FADS2: variants seen among roughly 807,000 people sequenced by gnomAD.
The protein encoded by FADS2 is acyl-CoA 6-desaturase.
In FADS2, 18 loss-of-function variants were observed where a neutral mutation model predicts 61.2. The observed-to-expected ratio is 0.29, with a 90% CI of 0.20 to 0.44. The LOEUF (loss-of-function observed/expected upper bound fraction) is 0.44. FADS2 is among the 20% of genes least tolerant of loss of function. The pLI, the probability that FADS2 is intolerant of heterozygous loss-of-function variation, is 1.00. For missense variants in FADS2, 322 were observed against 572.7 expected (o/e 0.56, Z 4.47); for synonymous variants, 203 against 223.9 (o/e 0.91, Z 0.83).
upstream of FADS2, among the ~76,000 whole-genome samples, chr11:61,824,348 C>T (rs1331537313): frequency 2.0e-5 from 3 of 146,596 alleles, no homozygotes; most frequent in Non-Finnish European, 4.5e-5. Flanking sequence ...CACCACTGCA[C>T]TCCAGCCTGG....
chr11:61,838,871 G>A (rs1197084852), intron 2 of FADS2, among the ~76,000 whole-genome samples: 2 of 151,886 alleles, frequency 1.3e-5, no homozygotes, highest in Non-Finnish European at 2.9e-5. Flanking sequence ...AGCTCTGCTC[G>A]TCCTGCCCTG....
At chr11:61,843,287 G>T (rs1229504565) in intron 4 of FADS2, among the ~76,000 whole-genome samples, 1 of 152,286 alleles carries the variant, frequency 6.6e-6, no homozygotes, top group Non-Finnish European at 1.5e-5. Context: ...AGAATTAGCC[G>T]GGGATGGTGG....
chr11:61,824,480 GAGAGAGAGAGAAAGAAAGAAAGGAAAGAA>G (rs1260216639), upstream of FADS2, among the ~76,000 whole-genome samples: 25 of 13,926 alleles, frequency 1.8e-3, 1 homozygote, highest in African/African-American at 3.3e-3. Context: ...GAGAGAGAGA[GAGAGAGAGAGAAAGAAAGAAAGGAAAGAA>G]AGAAAGAAAG....
At position 61,865,961 on chromosome 11, in the gene FADS2, G is replaced by A. The variant is rs1353519486; in HGVS notation, c.*272G>A. 1 of 511,444 alleles carries A rather than the reference G, an allele frequency of 2.0e-6. No homozygotes were observed. Among genetic ancestry groups the A allele is most frequent in the Non-Finnish European group, 3.5e-6 (1 of 286,764 alleles). 31.7% of individuals were successfully genotyped at this position (511,444 alleles called of 1,614,324 possible). On this transcript the variant is annotated 3_prime_UTR_variant, in exon 12 of 12. Coordinates refer to ENST00000278840, the MANE Select transcript of FADS2 (RefSeq NM_004265.4). This position sits in a 1 kb window ranked among gnomAD's most constrained non-coding sequence, Gnocchi z 4.1. ...AGCCCCTTCTTCCAAGGAGCAGAGA[G>A]GTGGCCACCGGGGGTGGCTCTGTCC...
intron 1 of FADS2, among the ~76,000 whole-genome samples, chr11:61,818,702 A>G (rs1290578938): frequency 2.6e-5 from 4 of 152,216 alleles, no homozygotes; most frequent in African/African-American, 7.2e-5. Context: ...GGGTTCGCTG[A>G]TTACAACTAT....
At chr11:61,827,956 G>A, upstream of FADS2, 1 of 832,780 alleles carries the variant, frequency 1.2e-6, no homozygotes, top group Non-Finnish European at 1.5e-6. This position sits in a 1 kb window ranked among gnomAD's most constrained non-coding sequence, Gnocchi z 4.5. Context: ...TGGCAGGCGG[G>A]GCGACGCGAC....
chr11:61,825,116 C>T (rs1228738068), upstream of FADS2, among the ~76,000 whole-genome samples: 1 of 152,146 alleles, frequency 6.6e-6, no homozygotes, highest in Non-Finnish European at 1.5e-5. Context: ...TGCTCCCAGC[C>T]TAGGTGTTTC....
At chr11:61,852,586 C>T (rs948989634) in intron 5 of FADS2, among the ~76,000 whole-genome samples, 1 of 152,176 alleles carries the variant, frequency 6.6e-6, no homozygotes, top group Non-Finnish European at 1.5e-5. Context: ...TTATATGTCT[C>T]ATGGATGTTT....
chr11:61,835,807 G>A (rs1010153617), intron 1 of FADS2, among the ~76,000 whole-genome samples: 12 of 152,210 alleles, frequency 7.9e-5, no homozygotes, highest in East Asian at 1.9e-4. Context: ...CCACATTTGC[G>A]TTTTTCCTCT....
At chr11:61,817,041 C>T (rs553812385) in intron 1 of FADS2, 3 of 1,228,434 alleles carry the variant, frequency 2.4e-6, no homozygotes, top group East Asian at 6.3e-5. Flanking sequence ...AAGGCGTCGC[C>T]GCCGGATTCG....
chr11:61,818,044 G>A (rs1001820259), intron 1 of FADS2, among the ~76,000 whole-genome samples: 9 of 152,150 alleles, frequency 5.9e-5, no homozygotes, highest in African/African-American at 2.2e-4. Flanking sequence ...CTCAGGCTCT[G>A]CCATATTTCT....
At position 61,828,617 on chromosome 11, in the gene FADS2, C is replaced by G. The variant is rs757146532; in HGVS notation, c.207+20C>G. 11 of 1,600,740 alleles carry G rather than the reference C, an allele frequency of 6.9e-6. No individual in the cohort carries two copies. In the Admixed American group the frequency reaches 1.5e-4, roughly 22 times the overall value. ...GCAACGGTAAGGGTCTGGGGGCGCC[C>G]CAGCCACCCTTCTCTGCTGCAGGCG... is the stretch of plus-strand genomic sequence containing the variant. On this transcript the variant is annotated intron_variant, in intron 1 of 11. Coordinates refer to ENST00000278840, the MANE Select transcript of FADS2 (RefSeq NM_004265.4). The surrounding 1 kb of genome is among the most constrained non-coding windows in gnomAD (Gnocchi z 6.4).
At chr11:61,857,390 C>T in intron 6 of FADS2, 64 bp from the exon 7 acceptor site, 4 of 1,485,126 alleles carry the variant, frequency 2.7e-6, no homozygotes, top group Non-Finnish European at 3.8e-6. Flanking sequence ...GCCTGGGTTC[C>T]CCTGACCTTC....
chr11:61,819,156 G>A (rs940903145), intron 1 of FADS2, among the ~76,000 whole-genome samples: 3 of 152,078 alleles, frequency 2.0e-5, no homozygotes, highest in Non-Finnish European at 4.4e-5. Flanking sequence ...TTACAGGCGT[G>A]AGCCACCGCA....
chr11:61,855,186 G>C (rs551368491), intron 5 of FADS2: 1 of 152,704 alleles, frequency 6.5e-6, no homozygotes, highest in South Asian at 2.1e-4. Context: ...GTTGCCCTCT[G>C]TGCTCACTTC....
In FADS2 at chr11:61,816,996, G is replaced by A; in HGVS notation, c.141+570G>A. On this transcript the variant is annotated intron_variant, in intron 1 of 11. Coordinates refer to the FADS2 transcript ENST00000257261. This position sits in a 1 kb window ranked among gnomAD's most constrained non-coding sequence, Gnocchi z 7.0. ...GGTGGGTCTTGGGCAACTCACAGCT[G>A]GGCTGCCAACACGCGCCCCCTCGCG... 3 of 1,334,666 alleles carry A rather than the reference G, an allele frequency of 2.2e-6. No individual in the cohort carries two copies. Among genetic ancestry groups the A allele is most frequent in the Non-Finnish European group, 2.9e-6 (3 of 1,047,328 alleles). 82.7% of individuals were successfully genotyped at this position (1,334,666 alleles called of 1,614,324 possible). A position where few individuals can be genotyped will look rare whatever the true frequency, so the allele number is the denominator to read the frequency against.
chr11:61,858,470 C>T (rs1259520646), intron 7 of FADS2, among the ~76,000 whole-genome samples: 1 of 152,142 alleles, frequency 6.6e-6, no homozygotes, highest in South Asian at 2.1e-4. Context: ...TGAGCCACCA[C>T]GCCTGGCCTA....
chr11:61,865,620 C>A lies in FADS2; in HGVS notation c.1284-18C>A. Reference sequence around the variant, plus strand: ...TCCCGTCCTGGTCCCTGACCCTGGTCCATCCCCAACTTTGCAGGTCCCTGA... The same window carrying A: ...TCCCGTCCTGGTCCCTGACCCTGGTACATCCCCAACTTTGCAGGTCCCTGA... On this transcript the variant is annotated intron_variant, in intron 11 of 11. Transcript: ENST00000278840. This position sits in a 1 kb window ranked among gnomAD's most constrained non-coding sequence, Gnocchi z 4.1. 1 of 1,612,138 alleles carries A rather than the reference C, an allele frequency of 6.2e-7. No individual in the cohort carries two copies. The highest frequency in any genetic ancestry group is 1.7e-5 in the Admixed American group (1 of 59,874).
At chr11:61,861,365 A>AAAAAAC (rs574052809) in intron 7 of FADS2, among the ~76,000 whole-genome samples, 19,187 of 130,744 alleles carry the variant, frequency 0.15, 3,006 homozygotes, top group Admixed American at 0.34. Context: ...AAAAAAAAAA[A>AAAAAAC]AAAAAACAGA....
Sources: gnomAD v4.1 joint callset for allele counts (sites outside exome capture counted in the v4.1 genomes callset) on GRCh38, gnomAD v4.1.1 for gene constraint, Gnocchi (gnomAD v3.1) non-coding constraint, MANE v1.5 for transcripts, NCBI Gene and HGNC (gene_info 2026-07-23, HGNC 2026-07-21) for gene names.